The following GRM4 variants were observed in gnomAD, a reference collection of about 807,000 sequenced individuals.
The protein encoded by GRM4 is metabotropic glutamate receptor 4.
A neutral mutation model predicts 81.7 loss-of-function variants in GRM4; 28 were observed. The observed-to-expected ratio is 0.34, with a 90% confidence interval of 0.25 to 0.47. The LOEUF is 0.47. GRM4 is among the 20% of genes least tolerant of loss of function. GRM4 has a pLI of 1.00. For synonymous variants in GRM4, 488 were observed against 528.8 expected (o/e 0.92, Z 1.06); for missense variants, 948 against 1,290.0 (o/e 0.73, Z 4.06).
At position 34,097,958 on chromosome 6, in the gene GRM4, T is replaced by C. The variant is rs183202284; in HGVS notation, c.520-5859A>G. Among the ~76,000 whole-genome samples, 22 of 152,146 alleles carry C rather than the reference T, an allele frequency of 1.4e-4. No individual in the cohort carries two copies. In the East Asian group the frequency reaches 4.3e-3, roughly 29 times the overall value. On this transcript the variant is annotated intron_variant, in intron 2 of 10. Coordinates refer to ENST00000538487, the MANE Select transcript of GRM4 (RefSeq NM_000841.4). Reference sequence around the variant, plus strand: ...TTTCTGTTAAAAGCACCTTTGCCTTTCCTCCTCTGCCCTAATGCTTGGCAC... The same window carrying C: ...TTTCTGTTAAAAGCACCTTTGCCTTCCCTCCTCTGCCCTAATGCTTGGCAC...
intron 6 of GRM4, among the ~76,000 whole-genome samples, chr6:34,049,820 C>G (rs905613855): frequency 6.6e-6 from 1 of 152,130 alleles, no homozygotes; most frequent in Non-Finnish European, 1.5e-5. Flanking sequence ...CTTCGCACCA[C>G]CTCCATGACC....
rs769321173 is a variant in GRM4 at position 34,115,529 on chromosome 6, C to G, written c.519+17449G>C. Among the ~76,000 whole-genome samples the G allele has an allele frequency of 6.6e-6, 1 of 152,196 alleles. No homozygotes were observed. Among genetic ancestry groups the G allele is most frequent in the African/African-American group, 2.4e-5 (1 of 41,436 alleles). On this transcript the variant is annotated intron_variant, in intron 2 of 10. Coordinates refer to ENST00000538487, the MANE Select transcript of GRM4 (RefSeq NM_000841.4). The surrounding 1 kb of genome is among the most constrained non-coding windows in gnomAD (Gnocchi z 4.1). ...TGCTCCCAGCCACAAGGTCCTGGTT[C>G]AGGACCTTGGACAGCAGCCTCCAGG...
At chr6:34,030,499 C>T (rs1278981253) in intron 9 of GRM4, among the ~76,000 whole-genome samples, 2 of 152,164 alleles carry the variant, frequency 1.3e-5, no homozygotes, top group African/African-American at 4.8e-5. Flanking sequence ...GGCCAGCGTC[C>T]TGGGTTCCAG....
intron 8 of GRM4, among the ~76,000 whole-genome samples, chr6:34,037,861 CAAAAA>C (rs34369343): frequency 1.1e-4 from 13 of 116,172 alleles, no homozygotes; most frequent in Admixed American, 2.8e-4. Context: ...GATTCCGTCT[CAAAAA>C]AAAAAAAAAA....
At chr6:34,033,458 C>T (rs1764531271) in intron 9 of GRM4, among the ~76,000 whole-genome samples, 1 of 152,134 alleles carries the variant, frequency 6.6e-6, no homozygotes, top group African/African-American at 2.4e-5. Flanking sequence ...CCAGCTGTGC[C>T]ACCAAGGCAA....
intron 9 of GRM4, 129 bp from the exon 10 acceptor site, chr6:34,028,495 G>T: frequency 1.0e-6 from 1 of 957,050 alleles, no homozygotes; most frequent in Non-Finnish European, 1.6e-6. Flanking sequence ...GTGGCTTGGA[G>T]CTGGGACTGC....
chr6:34,070,416 C>A lies in GRM4; in HGVS notation c.737-8388G>T, dbSNP rs1438323235. 6.6e-6 allele frequency among the ~76,000 whole-genome samples: 1 copy of A among 152,068 alleles called. No homozygotes were observed. The highest frequency in any genetic ancestry group is 1.5e-5 in the Non-Finnish European group (1 of 68,006). On this transcript the variant is annotated intron_variant, in intron 3 of 10. Coordinates refer to ENST00000538487, the MANE Select transcript of GRM4 (RefSeq NM_000841.4). This position sits in a 1 kb window ranked among gnomAD's most constrained non-coding sequence, Gnocchi z 4.6. ...AAGGATGAGCAAGTGAAGAAAGGTGCATGCTGGCTGTGCAAAGGCACCGGG... is the reference window on the plus strand; with the variant it reads ...AAGGATGAGCAAGTGAAGAAAGGTGAATGCTGGCTGTGCAAAGGCACCGGG...
intron 2 of GRM4, among the ~76,000 whole-genome samples, chr6:34,116,971 T>C (rs542356630): frequency 4.9e-4 from 74 of 152,298 alleles, no homozygotes; most frequent in South Asian, 1.2e-3. Flanking sequence ...AACACCAGTC[T>C]ACACAGTTAG....
chr6:34,053,330 G>C (rs1328652267), intron 6 of GRM4, among the ~76,000 whole-genome samples: 2 of 152,196 alleles, frequency 1.3e-5, no homozygotes, highest in African/African-American at 4.8e-5. Flanking sequence ...GCCTTCTCCT[G>C]TGGGACAGGC....
rs1217246083 is a variant in GRM4 at position 34,021,925 on chromosome 6, A to G, written c.*896T>C. 6.5e-6 allele frequency: 1 copy of G among 153,298 alleles called. No individual in the cohort carries two copies. Among genetic ancestry groups the G allele is most frequent in the East Asian group, 1.9e-4 (1 of 5,192 alleles). 9.5% of individuals were successfully genotyped at this position (153,298 alleles called of 1,614,324 possible). A position where few individuals can be genotyped will look rare whatever the true frequency, so the allele number is the denominator to read the frequency against. On this transcript the variant is annotated 3_prime_UTR_variant, in exon 11 of 11. Coordinates refer to ENST00000538487, the MANE Select transcript of GRM4 (RefSeq NM_000841.4). The surrounding 1 kb of genome is among the most constrained non-coding windows in gnomAD (Gnocchi z 5.3). ...AATCATGCGCTACACATTGTCGTCAATAACCATCACCAAACACCCAGGCAC... is the reference window on the plus strand; with the variant it reads ...AATCATGCGCTACACATTGTCGTCAGTAACCATCACCAAACACCCAGGCAC...
intron 2 of GRM4, among the ~76,000 whole-genome samples, chr6:34,125,785 A>G (rs566419815): frequency 1.3e-5 from 2 of 152,268 alleles, no homozygotes; most frequent in Admixed American, 6.5e-5. Context: ...TCCCCTTCCC[A>G]GGCTCTCACC....
chr6:34,073,440 A>C (rs565971569), intron 3 of GRM4, among the ~76,000 whole-genome samples: 198 of 150,090 alleles, frequency 1.3e-3, no homozygotes, highest in African/African-American at 4.3e-3. Flanking sequence ...ACACACCATC[A>C]TACCACACAC....
chr6:34,025,987 C>T lies in GRM4; in HGVS notation c.2689+2133G>A, dbSNP rs192997577. ...GAGGGGAAGGCCAAGGGGTGTGGGC[C>T]GAGGCCCCGAGCCCACCCGGTGCTG... On this transcript the variant is annotated intron_variant, in intron 10 of 10. Transcript: ENST00000538487. 4.3e-3 allele frequency among the ~76,000 whole-genome samples: 650 copies of T among 152,196 alleles called. 2 individuals carry two copies. Among genetic ancestry groups the T allele is most frequent in the African/African-American group, 0.01 (424 of 41,530 alleles).
At chr6:34,050,918 T>C (rs1051081997) in intron 6 of GRM4, among the ~76,000 whole-genome samples, 2 of 152,230 alleles carry the variant, frequency 1.3e-5, no homozygotes, top group Non-Finnish European at 2.9e-5. Context: ...ACAGTCAGGC[T>C]CTTCGTCTAT....
chr6:34,034,935 C>T lies in GRM4; in HGVS notation c.2442+733G>A, dbSNP rs1764613347. ...GAGCATACAGGTCTCTTGGGGTGTG[C>T]CCAGGTCCTCGGACCAAGCCAACAG... On this transcript the variant is annotated intron_variant, in intron 9 of 10. Transcript: ENST00000538487. This position sits in a 1 kb window ranked among gnomAD's most constrained non-coding sequence, Gnocchi z 4.0. Among the ~76,000 whole-genome samples, 1 of 152,208 alleles carries T rather than the reference C, an allele frequency of 6.6e-6. No individual in the cohort carries two copies. Among genetic ancestry groups the T allele is most frequent in the South Asian group, 2.1e-4 (1 of 4,830 alleles).
rs1051659027 is a variant in GRM4, at chr6:34,047,758, CT to C, written c.1169-7011del. On this transcript the variant is annotated intron_variant, in intron 6 of 10. Coordinates refer to ENST00000538487, the MANE Select transcript of GRM4 (RefSeq NM_000841.4). The surrounding 1 kb of genome is among the most constrained non-coding windows in gnomAD (Gnocchi z 4.5). ...TGGTTGGGCCAAAAGGGATCCCCAT[CT>C]CAGTGATAAGGAAACTGAGGCCTGA... 1.2e-4 allele frequency among the ~76,000 whole-genome samples: 19 copies of C among 152,174 alleles called. No homozygotes were observed. Among genetic ancestry groups the C allele is most frequent in the African/African-American group, 4.3e-4 (18 of 41,446 alleles).
In GRM4 at chr6:34,020,859, T is replaced by C. The variant is rs187163709; in HGVS notation, c.*1962A>G. 2.0e-5 allele frequency: 3 copies of C among 152,470 alleles called. No homozygotes were observed. The highest frequency in any genetic ancestry group is 7.2e-5 in the African/African-American group (3 of 41,556). The allele number at this position is 152,470 out of a possible 1,614,324, so 9.4% of individuals were successfully genotyped here. ...TGATTCAATGTCCCAGCCTCAGTTATACACACACTCTCATACTCTGTCCCT... is the reference window on the plus strand; with the variant it reads ...TGATTCAATGTCCCAGCCTCAGTTACACACACACTCTCATACTCTGTCCCT... On this transcript the variant is annotated 3_prime_UTR_variant, in exon 11 of 11. Transcript: ENST00000538487.
intron 2 of GRM4, chr6:34,110,743 C>A: frequency 6.7e-7 from 1 of 1,499,476 alleles, no homozygotes; most frequent in Non-Finnish European, 8.9e-7. Context: ...GCACCTGCAG[C>A]CCGTGAGTCC....
rs978279242 is a variant in GRM4, at chr6:34,089,900, G to A, written c.736+1983C>T. 6.6e-6 allele frequency among the ~76,000 whole-genome samples: 1 copy of A among 152,126 alleles called. No homozygotes were observed. The highest frequency in any genetic ancestry group is 6.5e-5 in the Admixed American group (1 of 15,268). On this transcript the variant is annotated intron_variant, in intron 3 of 10. Transcript: ENST00000538487. This position sits in a 1 kb window ranked among gnomAD's most constrained non-coding sequence, Gnocchi z 4.3. Reference sequence around the variant, plus strand: ...ATACCCTAGCACTTGCACAGGGGCTGGCCCATGTGGGTCTCAGTGAGCACG... The same window carrying A: ...ATACCCTAGCACTTGCACAGGGGCTAGCCCATGTGGGTCTCAGTGAGCACG...
Sources: gnomAD v4.1 joint callset for allele counts (sites outside exome capture counted in the v4.1 genomes callset) on GRCh38, gnomAD v4.1.1 for gene constraint, Gnocchi (gnomAD v3.1) non-coding constraint, MANE v1.5 for transcripts, NCBI Gene and HGNC (gene_info 2026-07-23, HGNC 2026-07-21) for gene names.